The following EPB41L2 variants were observed in gnomAD, a reference collection of about 807,000 sequenced individuals.
The protein encoded by EPB41L2 is erythrocyte membrane protein band 4.1 like 2.
In EPB41L2, 43 loss-of-function variants were observed where a neutral mutation model predicts 113.0. The observed-to-expected ratio is 0.38, with a 90% CI of 0.30 to 0.49. The LOEUF (loss-of-function observed/expected upper bound fraction) is 0.49. Among genes scored for constraint, EPB41L2 ranks in the 20% least tolerant of loss-of-function variants. The probability of loss-of-function intolerance (pLI) is 0.95; values close to 1 mark genes in which losing one functional copy is unlikely to be tolerated. For synonymous variants in EPB41L2, 442 were observed against 436.7 expected (o/e 1.01, Z -0.15); for missense variants, 1,147 against 1,223.4 (o/e 0.94, Z 0.93).
intron 1 of EPB41L2, among the ~76,000 whole-genome samples, chr6:130,987,981 T>G (rs1780970075): frequency 6.6e-6 from 1 of 151,954 alleles, no homozygotes; most frequent in Admixed American, 6.5e-5. Context: ...TGAGTGTTGG[T>G]GGTACATGCC....
intron 3 of EPB41L2, among the ~76,000 whole-genome samples, chr6:130,944,166 C>T (rs867123696): frequency 2.1e-5 from 3 of 140,692 alleles, no homozygotes; most frequent in Admixed American, 7.2e-5. Context: ...CGTACATACA[C>T]ACACATACAC....
At chr6:130,945,830 C>T (rs961184629) in intron 3 of EPB41L2, among the ~76,000 whole-genome samples, 11 of 151,940 alleles carry the variant, frequency 7.2e-5, no homozygotes, top group Non-Finnish European at 8.8e-5. Flanking sequence ...TTTTTTCCCC[C>T]GCTTAGAGGA....
At chr6:131,004,887 T>C (rs1347487233) in intron 1 of EPB41L2, among the ~76,000 whole-genome samples, 1 of 152,206 alleles carries the variant, frequency 6.6e-6, no homozygotes, top group African/African-American at 2.4e-5. Flanking sequence ...AGGACGGTCA[T>C]GTACAAACAG....
chr6:130,888,505 T>C (rs972084375), intron 11 of EPB41L2, among the ~76,000 whole-genome samples: 1 of 152,162 alleles, frequency 6.6e-6, no homozygotes, highest in African/African-American at 2.4e-5. Flanking sequence ...TCAAAGAAAA[T>C]GCTGTTTTAC....
At chr6:130,844,181 T>C (rs937770061) in intron 19 of EPB41L2, among the ~76,000 whole-genome samples, 2 of 152,160 alleles carry the variant, frequency 1.3e-5, no homozygotes, top group Non-Finnish European at 2.9e-5. Context: ...ATGCAAATAA[T>C]ACAAGAAAAC....
At chr6:130,929,932 G>A (rs1168905695) in intron 3 of EPB41L2, among the ~76,000 whole-genome samples, 2 of 150,552 alleles carry the variant, frequency 1.3e-5, no homozygotes, top group South Asian at 2.1e-4. Flanking sequence ...TAAACAGTAG[G>A]AAAGACAGCG....
chr6:130,869,868 T>A lies in EPB41L2; in HGVS notation c.2302A>T (p.Arg768Trp). ...TCTTCTTCATACTCCTGTTCCTCCC[T>A]GATGGTGCCCTCGGTCACTCGGTGG... ...PHHRVTEGTI[R>W]EEQEYEEEVE... is the part of the protein sequence containing the mutation. Residue 768 changes from arginine (R) to tryptophan (W), a missense_variant, in exon 15 of 20, where the codon AGG becomes TGG. Arg to Trp is a moderately radical substitution (Grantham distance 101). Coordinates refer to ENST00000337057, the MANE Select transcript of EPB41L2 (RefSeq NM_001431.4). 6.2e-7 allele frequency: 1 copy of A among 1,613,392 alleles called. No individual in the cohort carries two copies. Among genetic ancestry groups the A allele is most frequent in the Non-Finnish European group, 8.5e-7 (1 of 1,179,974 alleles).
chr6:130,914,510 G>GCTAAGCTTTTCTACTT (rs143497560), intron 4 of EPB41L2, among the ~76,000 whole-genome samples: 3,591 of 152,194 alleles, frequency 0.024, 133 homozygotes, highest in African/African-American at 0.082. Flanking sequence ...GTATTATCCA[G>GCTAAGCTTTTCTACTT]TTTGGCCGAT....
intron 1 of EPB41L2, among the ~76,000 whole-genome samples, chr6:131,029,895 C>CT (rs959016942): frequency 1.4e-4 from 1 of 6,934 alleles, no homozygotes; most frequent in South Asian, 3.8e-3. Flanking sequence ...GGATTTTTCT[C>CT]TTTTTTTCTT....
intron 1 of EPB41L2, among the ~76,000 whole-genome samples, chr6:130,994,839 G>GCGTATCC (rs1164899831): frequency 6.6e-6 from 1 of 152,144 alleles, no homozygotes; most frequent in Non-Finnish European, 1.5e-5. Flanking sequence ...TGAGATAAAA[G>GCGTATCC]CGTATCCGAT....
intron 1 of EPB41L2, among the ~76,000 whole-genome samples, chr6:130,981,557 C>T (rs1779383953): frequency 6.6e-6 from 1 of 152,084 alleles, no homozygotes; most frequent in African/African-American, 2.4e-5. Context: ...CCAGGGTGGG[C>T]CTTTAAGACA....
At chr6:130,905,201 C>A (rs1234640797) in intron 5 of EPB41L2, among the ~76,000 whole-genome samples, 1 of 152,128 alleles carries the variant, frequency 6.6e-6, no homozygotes, top group East Asian at 1.9e-4. Flanking sequence ...TCATAAATGG[C>A]TTGTTAAAAG....
intron 4 of EPB41L2, among the ~76,000 whole-genome samples, chr6:130,918,508 G>A (rs1583441006): frequency 6.6e-6 from 1 of 152,068 alleles, no homozygotes. Flanking sequence ...CATGTTGCCT[G>A]ATTCCACGTA....
chr6:131,046,753 C>A (rs553269357), intron 1 of EPB41L2, among the ~76,000 whole-genome samples: 1 of 152,150 alleles, frequency 6.6e-6, no homozygotes, highest in African/African-American at 2.4e-5. Flanking sequence ...TTATCCTCTA[C>A]GTGCTTCCAT....
intron 19 of EPB41L2, among the ~76,000 whole-genome samples, chr6:130,855,828 T>C (rs1780058674): frequency 6.7e-6 from 1 of 150,268 alleles, no homozygotes; most frequent in South Asian, 2.1e-4. Flanking sequence ...AAAATTTGTA[T>C]GTAACAGGAA....
At chr6:130,846,623 T>C (rs1321006536) in intron 19 of EPB41L2, among the ~76,000 whole-genome samples, 1 of 152,204 alleles carries the variant, frequency 6.6e-6, no homozygotes, top group African/African-American at 2.4e-5. Flanking sequence ...TGCTGGAACA[T>C]GTTCATGCTG....
intron 1 of EPB41L2, among the ~76,000 whole-genome samples, chr6:131,013,166 T>A (rs1049580599): frequency 3.3e-5 from 5 of 152,034 alleles, no homozygotes; most frequent in Non-Finnish European, 7.4e-5. Context: ...TGTAAACATG[T>A]TTTTACTACA....
At chr6:131,021,930 T>C (rs1345791784) in intron 1 of EPB41L2, among the ~76,000 whole-genome samples, 1 of 152,144 alleles carries the variant, frequency 6.6e-6, no homozygotes, top group African/African-American at 2.4e-5. Flanking sequence ...TGGAAGATAA[T>C]TTTTTCACAG....
chr6:130,963,302 TG>T (rs1164904836), intron 1 of EPB41L2, among the ~76,000 whole-genome samples: 3 of 152,216 alleles, frequency 2.0e-5, no homozygotes, highest in African/African-American at 7.2e-5. Context: ...ATATAGATCT[TG>T]GGTCATTATT....
Sources: allele counts gnomAD v4.1 joint callset (sites outside exome capture counted in the v4.1 genomes callset), GRCh38; gene constraint gnomAD v4.1.1; transcripts MANE v1.5; gene names NCBI Gene and HGNC (gene_info 2026-07-23, HGNC 2026-07-21).